Variants in TIMM13 observed in about 807,000 individuals in gnomAD.
The protein encoded by TIMM13 is mitochondrial import inner membrane translocase subunit Tim13.
In TIMM13, 8 loss-of-function variants were observed where a neutral mutation model predicts 10.9. The observed-to-expected ratio is 0.73, with a 90% CI of 0.43 to 1.32. The LOEUF is 1.32. Ranked by LOEUF, TIMM13 falls within the 40% of genes most tolerant of loss-of-function variation. TIMM13 has a pLI of 0.01. For missense variants in TIMM13, 147 were observed against 132.8 expected (o/e 1.11, Z -0.53); for synonymous variants, 68 against 52.5 (o/e 1.30, Z -1.28).
chr19:2,427,128 G>C (rs1347115770), intron 2 of TIMM13, 82 bp from the exon 3 acceptor site: 1 of 1,570,836 alleles, frequency 6.4e-7, no homozygotes, highest in South Asian at 1.1e-5. Flanking sequence ...CAGGACGCCC[G>C]GGCTGCAGAC....
chr19:2,426,135 A>T lies in TIMM13; in HGVS notation c.*813T>A, dbSNP rs1161477666. Reference sequence around the variant, plus strand: ...CGAGACTCTACGTGAAAGCAACAGGAGCAGCAGGCCACCCAACACCCCACC... The same window carrying T: ...CGAGACTCTACGTGAAAGCAACAGGTGCAGCAGGCCACCCAACACCCCACC... On this transcript the variant is annotated 3_prime_UTR_variant, in exon 3 of 3. Transcript: ENST00000215570. 4.0e-6 allele frequency: 6 copies of T among 1,494,614 alleles called. No individual in the cohort carries two copies. Among genetic ancestry groups the T allele is most frequent in the Admixed American group, 4.3e-5 (2 of 47,028 alleles). The allele number at this position is 1,494,614 out of a possible 1,614,324, so 92.6% of individuals were successfully genotyped here. A position where few individuals can be genotyped will look rare whatever the true frequency, so the allele number is the denominator to read the frequency against.
In TIMM13 at chr19:2,427,294, T is replaced by A; in HGVS notation, c.151A>T (p.Ile51Leu). The change falls in exon 2 of 3, where the codon ATA (isoleucine) becomes TTA (leucine). Residue 51 changes from isoleucine to leucine, a missense_variant. Physicochemically the swap from Ile to Leu is conservative, Grantham distance 5. Transcript: ENST00000215570. ...TCCAGGGAGCCCCCAGGTTTCCCTA[T>A]ACACTTCCGGAAACACTTGTCCGTC... ...RMTDKCFRKC[I>L]GKPGGSLDNS... 6.2e-7 allele frequency: 1 copy of A among 1,613,460 alleles called. No homozygotes were observed. Among genetic ancestry groups the A allele is most frequent in the South Asian group, 1.1e-5 (1 of 91,078 alleles).
In TIMM13 at chr19:2,426,136, G is replaced by A. The variant is rs2145433885; in HGVS notation, c.*812C>T. Reference sequence around the variant, plus strand: ...GAGACTCTACGTGAAAGCAACAGGAGCAGCAGGCCACCCAACACCCCACCC... The same window carrying A: ...GAGACTCTACGTGAAAGCAACAGGAACAGCAGGCCACCCAACACCCCACCC... On this transcript the variant is annotated 3_prime_UTR_variant, in exon 3 of 3. Coordinates refer to ENST00000215570, the MANE Select transcript of TIMM13 (RefSeq NM_012458.4). 2.0e-6 allele frequency: 3 copies of A among 1,484,354 alleles called. No individual in the cohort carries two copies. Among genetic ancestry groups the A allele is most frequent in the African/African-American group, 1.9e-5 (1 of 51,556 alleles). The allele number at this position is 1,484,354 out of a possible 1,614,324, so 91.9% of individuals were successfully genotyped here. A position where few individuals can be genotyped will look rare whatever the true frequency, so the allele number is the denominator to read the frequency against.
Position 2,426,205 on chromosome 19 carries a change from A to G in TIMM13, c.*743T>C. ...GACGGGTGTGGGGGGGCTGTGGGTC[A>G]TGGGGATGCATTTTGGTACCACCCT... On this transcript the variant is annotated 3_prime_UTR_variant, in exon 3 of 3. Coordinates refer to ENST00000215570, the MANE Select transcript of TIMM13 (RefSeq NM_012458.4). 1 of 1,320,824 alleles carries G rather than the reference A, an allele frequency of 7.6e-7. No homozygotes were observed. Among genetic ancestry groups the G allele is most frequent in the Non-Finnish European group, 1.0e-6 (1 of 974,678 alleles). 81.8% of individuals were successfully genotyped at this position (1,320,824 alleles called of 1,614,324 possible).
At position 2,427,060 on chromosome 19, in the gene TIMM13, G is replaced by A. The variant is rs748151496; in HGVS notation, c.190-14C>T. The A allele has an allele frequency of 1.3e-5, 21 of 1,606,196 alleles. No individual in the cohort carries two copies. In the Middle Eastern group the frequency reaches 7.2e-4, roughly 55 times the overall value. Reference sequence around the variant, plus strand: ...GGCGATGCACTTCTGCGGGAGCGGAGGGGCGCACGGCTCAGCTCGGGACTT... The same window carrying A: ...GGCGATGCACTTCTGCGGGAGCGGAAGGGCGCACGGCTCAGCTCGGGACTT... On this transcript the variant is annotated splice_polypyrimidine_tract_variant and intron_variant, in intron 2 of 2. Transcript: ENST00000215570.
chr19:2,427,231 T>TG, intron 2 of TIMM13, 25 bp downstream of exon 2: 1 of 1,611,632 alleles, frequency 6.2e-7, no homozygotes, highest in Non-Finnish European at 8.5e-7. Flanking sequence ...TCGCGACCCT[T>TG]GCCCCGAACC....
In TIMM13 at chr19:2,426,812, G is replaced by A. The variant is rs1599325470; in HGVS notation, c.*136C>T. The A allele has an allele frequency of 1.6e-5, 14 of 869,340 alleles. No individual in the cohort carries two copies. In the East Asian group the frequency reaches 3.2e-4, roughly 20 times the overall value. The allele number at this position is 869,340 out of a possible 1,614,324, so 53.9% of individuals were successfully genotyped here. A position where few individuals can be genotyped will look rare whatever the true frequency, so the allele number is the denominator to read the frequency against. Reference sequence around the variant, plus strand: ...CTGGCAGGGGGCAGGGCGGGGGGTGGCGAGGACACAGTCCCGTGTGTCCCA... The same window carrying A: ...CTGGCAGGGGGCAGGGCGGGGGGTGACGAGGACACAGTCCCGTGTGTCCCA... On this transcript the variant is annotated 3_prime_UTR_variant, in exon 3 of 3. Coordinates refer to ENST00000215570, the MANE Select transcript of TIMM13 (RefSeq NM_012458.4).
chr19:2,427,219 C>A (rs756035024), intron 2 of TIMM13, 37 bp downstream of exon 2: 1 of 1,608,552 alleles, frequency 6.2e-7, no homozygotes, highest in Non-Finnish European at 8.5e-7. Flanking sequence ...GAATCTAGGC[C>A]CTCGCGACCC....
chr19:2,426,662 C>A lies in TIMM13; in HGVS notation c.*286G>T. On this transcript the variant is annotated 3_prime_UTR_variant, in exon 3 of 3. Transcript: ENST00000215570. ...CCGAAGTCCAGACAAGCTGTCCGCC[C>A]AGAATATGAGGCTGACTTGGGCACA... 1.9e-6 allele frequency: 1 copy of A among 522,358 alleles called. No individual in the cohort carries two copies. Among genetic ancestry groups the A allele is most frequent in the Non-Finnish European group, 3.4e-6 (1 of 291,850 alleles). 32.4% of individuals were successfully genotyped at this position (522,358 alleles called of 1,614,324 possible). A position where few individuals can be genotyped will look rare whatever the true frequency, so the allele number is the denominator to read the frequency against.
chr19:2,426,798 C>A lies in TIMM13; in HGVS notation c.*150G>T. 1.3e-6 allele frequency: 1 copy of A among 790,152 alleles called. No individual in the cohort carries two copies. The allele number at this position is 790,152 out of a possible 1,614,324, so 48.9% of individuals were successfully genotyped here. ...CCAAGCTGCACTGGCTGGCAGGGGG[C>A]AGGGCGGGGGGTGGCGAGGACACAG... is the stretch of plus-strand genomic sequence containing the variant. On this transcript the variant is annotated 3_prime_UTR_variant, in exon 3 of 3. Transcript: ENST00000215570.
Position 2,426,715 on chromosome 19 carries a change from G to T in TIMM13, c.*233C>A. On this transcript the variant is annotated 3_prime_UTR_variant, in exon 3 of 3. Coordinates refer to ENST00000215570, the MANE Select transcript of TIMM13 (RefSeq NM_012458.4). ...AGGGGAATACCCCAAAGGCCTGAAG[G>T]AGGTGCCACTGGGCTGCCAGCACTT... 5.0e-6 allele frequency: 3 copies of T among 596,718 alleles called. No homozygotes were observed. 37.0% of individuals were successfully genotyped at this position (596,718 alleles called of 1,614,324 possible).
In TIMM13 at chr19:2,426,991, C is replaced by G; in HGVS notation, c.245G>C (p.Arg82Pro). Residue 82 changes from arginine to proline, a missense_variant, in exon 3 of 3, where the codon CGC becomes CCC. Arg to Pro is a moderately radical substitution (Grantham distance 103). Transcript: ENST00000215570. ...CCGCTGCAGCCGCGAGTTGTAGGCG[C>G]GAGACACGGTGTTCCAGGCGTCCAT... is the stretch of plus-strand genomic sequence containing the variant. ...RYMDAWNTVS[R>P]AYNSRLQRER... 1.2e-6 allele frequency: 2 copies of G among 1,607,268 alleles called. No homozygotes were observed. Among genetic ancestry groups the G allele is most frequent in the Non-Finnish European group, 1.7e-6 (2 of 1,177,594 alleles).
rs747642635 is a variant in TIMM13, at chr19:2,427,499, G to C, written c.35C>G (p.Ser12Cys). 8 of 1,611,070 alleles carry C rather than the reference G, an allele frequency of 5.0e-6. No homozygotes were observed. Among genetic ancestry groups the C allele is most frequent in the Admixed American group, 1.7e-5 (1 of 59,694 alleles). ...CCCTGGGTCCAGCTTCCCGCTGCCGGAGCCCCCGAAATCGGAGCCGAAGCC... is the reference window on the plus strand; with the variant it reads ...CCCTGGGTCCAGCTTCCCGCTGCCGCAGCCCCCGAAATCGGAGCCGAAGCC... The part of the protein sequence containing the change: ...EGGFGSDFGG[S>C]GSGKLDPGLI... Residue 12 changes from serine (S) to cysteine (C), a missense_variant, in exon 1 of 3, where the codon TCC becomes TGC. By Grantham distance (112) the Ser-to-Cys change is moderately radical. Coordinates refer to ENST00000215570, the MANE Select transcript of TIMM13 (RefSeq NM_012458.4).
rs955237281 is a variant in TIMM13 at position 2,426,570 on chromosome 19, C to T, written c.*378G>A. 4.2e-5 allele frequency: 15 copies of T among 353,826 alleles called. No homozygotes were observed. The highest frequency in any genetic ancestry group is 8.5e-5 in the African/African-American group (4 of 47,210). The allele number at this position is 353,826 out of a possible 1,614,324, so 21.9% of individuals were successfully genotyped here. A position where few individuals can be genotyped will look rare whatever the true frequency, so the allele number is the denominator to read the frequency against. On this transcript the variant is annotated 3_prime_UTR_variant, in exon 3 of 3. Coordinates refer to ENST00000215570, the MANE Select transcript of TIMM13 (RefSeq NM_012458.4). Reference sequence around the variant, plus strand: ...GGGAAATAAAGAGGTTTCTCTCCGTCCTCCACCAATTTATTTGCCCATCCG... The same window carrying T: ...GGGAAATAAAGAGGTTTCTCTCCGTTCTCCACCAATTTATTTGCCCATCCG...
At chr19:2,427,227 C>T in intron 2 of TIMM13, 29 bp downstream of exon 2, 1 of 1,611,122 alleles carries the variant, frequency 6.2e-7, no homozygotes, top group African/African-American at 1.3e-5. Flanking sequence ...GCCCTCGCGA[C>T]CCTTGCCCCG....
Position 2,426,194 on chromosome 19 carries a change from G to A in TIMM13, c.*754C>T, listed in dbSNP as rs997900512. 5 of 1,407,028 alleles carry A rather than the reference G, an allele frequency of 3.6e-6. No homozygotes were observed. Among genetic ancestry groups the A allele is most frequent in the Non-Finnish European group, 4.8e-6 (5 of 1,045,640 alleles). 87.2% of individuals were successfully genotyped at this position (1,407,028 alleles called of 1,614,324 possible). ...CCCTACCCAAGGACGGGTGTGGGGG[G>A]GCTGTGGGTCATGGGGATGCATTTT... On this transcript the variant is annotated 3_prime_UTR_variant, in exon 3 of 3. Coordinates refer to ENST00000215570, the MANE Select transcript of TIMM13 (RefSeq NM_012458.4).
chr19:2,426,872 A>C lies in TIMM13; in HGVS notation c.*76T>G. ...CCACCCTCCTAAGCCCCGGGCAGGCAGTACGTACATGCGGACCCCGCCTCT... is the reference window on the plus strand; with the variant it reads ...CCACCCTCCTAAGCCCCGGGCAGGCCGTACGTACATGCGGACCCCGCCTCT... On this transcript the variant is annotated 3_prime_UTR_variant, in exon 3 of 3. Transcript: ENST00000215570. The C allele has an allele frequency of 1.7e-5, 23 of 1,362,726 alleles. No individual in the cohort carries two copies. The highest frequency in any genetic ancestry group is 2.2e-5 in the Non-Finnish European group (22 of 982,712). 84.4% of individuals were successfully genotyped at this position (1,362,726 alleles called of 1,614,324 possible).
At position 2,426,015 on chromosome 19, in the gene TIMM13, G is replaced by A. The variant is rs746390502; in HGVS notation, c.*933C>T. 3.7e-6 allele frequency: 6 copies of A among 1,607,622 alleles called. No homozygotes were observed. Among genetic ancestry groups the A allele is most frequent in the African/African-American group, 1.3e-5 (1 of 74,446 alleles). ...ACTAGCTGGGGCTATGGCTGTGGCC[G>A]GCCCCACTTCCCAGGTGTCTATACC... On this transcript the variant is annotated 3_prime_UTR_variant, in exon 3 of 3. Coordinates refer to ENST00000215570, the MANE Select transcript of TIMM13 (RefSeq NM_012458.4).
Position 2,427,303 on chromosome 19 carries a change from G to C in TIMM13, c.142C>G (p.Arg48Gly). 4.3e-6 allele frequency: 7 copies of C among 1,613,380 alleles called. No individual in the cohort carries two copies. Among genetic ancestry groups the C allele is most frequent in the Non-Finnish European group, 5.9e-6 (7 of 1,179,810 alleles). The change falls in exon 2 of 3, where the codon CGG (arginine) becomes GGG (glycine). Residue 48 changes from arginine to glycine, a missense_variant. By Grantham distance (125) the Arg-to-Gly change is moderately radical. Coordinates refer to ENST00000215570, the MANE Select transcript of TIMM13 (RefSeq NM_012458.4). ...LLQRMTDKCF[R>G]KCIGKPGGSL... ...CCCCCAGGTTTCCCTATACACTTCC[G>C]GAAACACTTGTCCGTCATCCTCTGT...
Sources: gnomAD v4.1 joint callset for allele counts on GRCh38, gnomAD v4.1.1 for gene constraint, MANE v1.5 for transcripts, NCBI Gene and HGNC (gene_info 2026-07-23, HGNC 2026-07-21) for gene names.